Variants in RNF150 observed in about 807,000 individuals in gnomAD.
RNF150 encodes the protein ring finger protein 150.
Under a neutral mutation model 39.3 loss-of-function variants are expected in RNF150, and 24 were observed. That is an observed-to-expected ratio of 0.61 (90% CI 0.44 to 0.86). The LOEUF (loss-of-function observed/expected upper bound fraction) is 0.86. Among genes scored for constraint, RNF150 ranks in the 40% least tolerant of loss-of-function variants. The probability of loss-of-function intolerance (pLI) is 0.00; values close to 1 mark genes in which losing one functional copy is unlikely to be tolerated. For missense variants in RNF150, 502 were observed against 587.8 expected (o/e 0.85, Z 1.51); for synonymous variants, 255 against 227.3 (o/e 1.12, Z -1.10).
rs1735295560 is a variant in RNF150, at chr4:141,016,837, G to T, written c.485-48964C>A. 2.0e-5 allele frequency among the ~76,000 whole-genome samples: 3 copies of T among 152,178 alleles called. No homozygotes were observed. The South Asian group carries it at 6.2e-4, about 32-fold the overall frequency. ...CTTCCACCCATTAATTACATTAGGG[G>T]GTCTGTCCAGATTCTTCTTTCGGCC... On this transcript the variant is annotated intron_variant, in intron 1 of 6. Coordinates refer to ENST00000515673, the MANE Select transcript of RNF150 (RefSeq NM_020724.2).
intron 1 of RNF150, among the ~76,000 whole-genome samples, chr4:141,098,019 G>C (rs1370623839): frequency 6.6e-6 from 1 of 151,970 alleles, no homozygotes; most frequent in African/African-American, 2.4e-5. Context: ...AGATGGGGTG[G>C]GAGGAATCAT....
chr4:141,089,663 G>T (rs1018975058), intron 1 of RNF150, among the ~76,000 whole-genome samples: 3 of 152,132 alleles, frequency 2.0e-5, no homozygotes, highest in Non-Finnish European at 4.4e-5. Flanking sequence ...CCTTGTAATC[G>T]TGTGAAGGTA....
At chr4:140,906,901 G>C (rs1730398584) in intron 6 of RNF150, among the ~76,000 whole-genome samples, 1 of 152,090 alleles carries the variant, frequency 6.6e-6, no homozygotes. Context: ...CTCAGTAAGG[G>C]GAATAAGGAA....
rs79290828 is a variant in RNF150 at position 141,122,058 on chromosome 4, C to G, written c.484+10267G>C. On this transcript the variant is annotated intron_variant, in intron 1 of 6. Coordinates refer to ENST00000515673, the MANE Select transcript of RNF150 (RefSeq NM_020724.2). ...CAGGGTGGAGATCACTGATCTCAAC[C>G]AAGTTCCCCTCCAGGCGCCTCCTGC... is the stretch of plus-strand genomic sequence containing the variant. 8.2e-3 allele frequency among the ~76,000 whole-genome samples: 1,241 copies of G among 152,190 alleles called. 19 individuals carry two copies. Among genetic ancestry groups the G allele is most frequent in the African/African-American group, 0.028 (1,156 of 41,518 alleles).
intron 2 of RNF150, among the ~76,000 whole-genome samples, chr4:140,960,703 C>CT (rs1251387791): frequency 6.6e-6 from 1 of 151,990 alleles, no homozygotes; most frequent in African/African-American, 2.4e-5. Flanking sequence ...TTCCCTGACT[C>CT]TTGAGTAAAG....
At chr4:141,178,268 G>GCACA (rs576196884) in intron 1 of RNF150, among the ~76,000 whole-genome samples, 4 of 152,096 alleles carry the variant, frequency 2.6e-5, no homozygotes, top group African/African-American at 9.6e-5. Flanking sequence ...GTGTGCGTGC[G>GCACA]CATGCACACA....
intron 6 of RNF150, among the ~76,000 whole-genome samples, chr4:140,883,781 T>G (rs958655151): frequency 1.3e-5 from 2 of 152,128 alleles, no homozygotes; most frequent in Non-Finnish European, 2.9e-5. Flanking sequence ...TTTACCATAT[T>G]TAGAGCTCAC....
At position 140,911,198 on chromosome 4, in the gene RNF150, C is replaced by G; in HGVS notation, c.1144G>C (p.Val382Leu). The G allele has an allele frequency of 1.2e-6, 2 of 1,614,130 alleles. No homozygotes were observed. Among genetic ancestry groups the G allele is most frequent in the Middle Eastern group, 1.6e-4 (1 of 6,062 alleles). ...AVRTVGALQV[V>L]QDTDPIPQEG... ...TGGGGGATGGGGTCTGTATCCTGGA[C>G]CACCTGCAAGGCTCCCACAGTCCGG... is the stretch of plus-strand genomic sequence containing the variant. Residue 382 changes from valine to leucine, a missense_variant, in exon 6 of 7, where the codon GTC becomes CTC. By Grantham distance (32) the Val-to-Leu change is conservative. Coordinates refer to ENST00000515673, the MANE Select transcript of RNF150 (RefSeq NM_020724.2).
chr4:141,054,441 C>T (rs1736892426), intron 1 of RNF150, among the ~76,000 whole-genome samples: 1 of 152,040 alleles, frequency 6.6e-6, no homozygotes, highest in African/African-American at 2.4e-5. Flanking sequence ...TATATATTAA[C>T]ATGAACATGA....
chr4:140,953,746 T>TA (rs1732635046), intron 2 of RNF150, among the ~76,000 whole-genome samples: 1 of 152,160 alleles, frequency 6.6e-6, no homozygotes, highest in Non-Finnish European at 1.5e-5. Flanking sequence ...TTTTCAATAT[T>TA]AAAAAAATCT....
chr4:141,019,376 GA>G (rs1735400786), intron 1 of RNF150, among the ~76,000 whole-genome samples: 1 of 151,880 alleles, frequency 6.6e-6, no homozygotes, highest in African/African-American at 2.4e-5. Context: ...TTCCAGGTAT[GA>G]AAAAATATTT....
chr4:140,992,519 T>C (rs1006745051), intron 1 of RNF150, among the ~76,000 whole-genome samples: 1 of 152,162 alleles, frequency 6.6e-6, no homozygotes, highest in African/African-American at 2.4e-5. Flanking sequence ...CACAGTCAGC[T>C]GGGCCTTGCT....
At chr4:140,982,912 C>T (rs954764982) in intron 1 of RNF150, among the ~76,000 whole-genome samples, 25 of 152,024 alleles carry the variant, frequency 1.6e-4, no homozygotes, top group Admixed American at 1.3e-4. Flanking sequence ...GTTAAAACTG[C>T]GATGTTTCAT....
intron 6 of RNF150, among the ~76,000 whole-genome samples, chr4:140,870,704 A>T (rs1013635554): frequency 1.3e-5 from 2 of 152,084 alleles, no homozygotes; most frequent in African/African-American, 4.8e-5. Flanking sequence ...TGGCTCCTGA[A>T]GTGGGGCAGG....
chr4:140,870,980 T>TTC (rs146835294), intron 6 of RNF150, among the ~76,000 whole-genome samples: 190 of 148,972 alleles, frequency 1.3e-3, no homozygotes, highest in East Asian at 4.1e-3. Flanking sequence ...ACAATAAGAA[T>TTC]TCTCTCTCTC....
intron 1 of RNF150, among the ~76,000 whole-genome samples, chr4:141,165,151 G>A (rs535723111): frequency 2.0e-4 from 31 of 152,124 alleles, no homozygotes; most frequent in Non-Finnish European, 3.5e-4. Flanking sequence ...TGCAATCCTA[G>A]TCTCCAATAA....
chr4:140,920,642 A>G (rs541254652), intron 5 of RNF150, among the ~76,000 whole-genome samples: 4 of 149,708 alleles, frequency 2.7e-5, no homozygotes, highest in Admixed American at 6.7e-5. Flanking sequence ...TTCCTCAGGG[A>G]TCTAGTACTA....
chr4:141,011,192 G>T (rs73849454), intron 1 of RNF150, among the ~76,000 whole-genome samples: 11,525 of 151,626 alleles, frequency 0.076, 493 homozygotes, highest in Middle Eastern at 0.16. Flanking sequence ...TTTTTTACCC[G>T]CCATAATTCT....
intron 1 of RNF150, among the ~76,000 whole-genome samples, chr4:141,130,261 CT>C (rs1726856394): frequency 1.3e-5 from 2 of 152,206 alleles, no homozygotes; most frequent in South Asian, 4.1e-4. Context: ...TAATGACACT[CT>C]AGCAGAAATC....
Sources: gnomAD v4.1 joint callset for allele counts (sites outside exome capture counted in the v4.1 genomes callset) on GRCh38, gnomAD v4.1.1 for gene constraint, MANE v1.5 for transcripts, NCBI Gene and HGNC (gene_info 2026-07-23, HGNC 2026-07-21) for gene names.